PLEKHG1: variants seen among roughly 807,000 people sequenced by gnomAD.
PLEKHG1 encodes the protein pleckstrin homology and RhoGEF domain containing G1, also known as pleckstrin homology domain-containing family G member 1.
In PLEKHG1, 44 loss-of-function variants were observed where a neutral mutation model predicts 100.8. The ratio of observed to expected loss-of-function variants is 0.44; its 90% CI spans 0.34 to 0.56. The LOEUF (loss-of-function observed/expected upper bound fraction) is 0.56, where lower values mean the gene tolerates loss of function less well. Ranked by LOEUF, PLEKHG1 falls within the 20% of genes least tolerant of loss-of-function variation. The probability of loss-of-function intolerance (pLI) is 0.01; values close to 1 mark genes in which losing one functional copy is unlikely to be tolerated. For synonymous variants in PLEKHG1, 640 were observed against 662.5 expected (o/e 0.97, Z 0.52); for missense variants, 1,545 against 1,720.9 (o/e 0.90, Z 1.81).
chr6:150,783,186 A>G (rs1328327996), intron 3 of PLEKHG1, among the ~76,000 whole-genome samples: 54 of 148,370 alleles, frequency 3.6e-4, no homozygotes, highest in Middle Eastern at 3.4e-3. Flanking sequence ...AAAAAAAAAA[A>G]GGGAAATAAA....
chr6:150,699,572 A>C (rs1780684145), intron 3 of PLEKHG1, among the ~76,000 whole-genome samples: 1 of 152,176 alleles, frequency 6.6e-6, no homozygotes, highest in Admixed American at 6.5e-5. Context: ...GGTTCCCCCA[A>C]ATATTAGGAA....
At chr6:150,624,200 T>C (rs1027004943) in intron 1 of PLEKHG1, among the ~76,000 whole-genome samples, 1 of 152,172 alleles carries the variant, frequency 6.6e-6, no homozygotes, top group African/African-American at 2.4e-5. Context: ...TTTCTCCCAA[T>C]ACTGACCTAT....
At chr6:150,769,842 T>C (rs1450551510) in intron 3 of PLEKHG1, among the ~76,000 whole-genome samples, 1 of 152,160 alleles carries the variant, frequency 6.6e-6, no homozygotes, top group African/African-American at 2.4e-5. Flanking sequence ...CTTTTTCTCA[T>C]GGCACTCGTC....
chr6:150,770,604 A>G (rs1446230435), intron 3 of PLEKHG1, among the ~76,000 whole-genome samples: 4 of 152,222 alleles, frequency 2.6e-5, no homozygotes, highest in Admixed American at 6.5e-5. Context: ...ATGTGCAGCC[A>G]TGGTTGAGAT....
intron 2 of PLEKHG1, among the ~76,000 whole-genome samples, chr6:150,737,281 ATTTTT>A (rs34129872): frequency 1.7e-5 from 2 of 117,032 alleles, no homozygotes; most frequent in Non-Finnish European, 1.8e-5. Flanking sequence ...TCATATGGGT[ATTTTT>A]TTTTTTTTTT....
At chr6:150,634,250 C>CAGAAAAAAA (rs1777892925) in intron 1 of PLEKHG1, among the ~76,000 whole-genome samples, 1 of 120,330 alleles carries the variant, frequency 8.3e-6, no homozygotes, top group African/African-American at 3.2e-5. Flanking sequence ...ATCTCCCCCC[C>CAGAAAAAAA]AAAAAAAAAA....
At chr6:150,631,252 T>C (rs1341460544) in intron 1 of PLEKHG1, among the ~76,000 whole-genome samples, 1 of 152,226 alleles carries the variant, frequency 6.6e-6, no homozygotes, top group East Asian at 1.9e-4. Context: ...TTTCAATTCC[T>C]GTCTCTCTCT....
At chr6:150,830,704 C>T in exon 15 of PLEKHG1, 1 of 1,614,186 alleles carries the variant, frequency 6.2e-7, no homozygotes, top group Non-Finnish European at 8.5e-7. Context: ...CTCTCAGAAA[C>T]ATCTGGACCG....
rs768008617 is a variant in PLEKHG1, at chr6:150,840,778, A to G, written c.4040A>G (p.Tyr1347Cys). 11 of 1,614,084 alleles carry G rather than the reference A, an allele frequency of 6.8e-6. No homozygotes were observed. The South Asian group carries it at 1.1e-4, about 16-fold the overall frequency. Residue 1347 changes from tyrosine (Y) to cysteine (C), a missense_variant, in exon 16 of 16, where the codon TAT (tyrosine) becomes TGT (cysteine). Tyr to Cys is a radical substitution (Grantham distance 194). Transcript: ENST00000358517. Reference sequence around the variant, plus strand: ...GGCCTTTCACCATATCTGACACCATATAATGATTCTGACAAACTGAATGAC... The same window carrying G: ...GGCCTTTCACCATATCTGACACCATGTAATGATTCTGACAAACTGAATGAC...
At chr6:150,602,720 T>G (rs1776405282) in intron 1 of PLEKHG1, among the ~76,000 whole-genome samples, 1 of 152,212 alleles carries the variant, frequency 6.6e-6, no homozygotes, top group Admixed American at 6.5e-5. Context: ...TGCAGAAGTT[T>G]ATACATAGCT....
At chr6:150,716,125 AAAG>A (rs1781430290), upstream of PLEKHG1, among the ~76,000 whole-genome samples, 1 of 151,674 alleles carries the variant, frequency 6.6e-6, no homozygotes, top group African/African-American at 2.4e-5. Flanking sequence ...AAAAAAAAGA[AAAG>A]AAAATGTGAC....
chr6:150,805,515 A>T (rs1400718024), intron 7 of PLEKHG1, among the ~76,000 whole-genome samples: 1 of 150,058 alleles, frequency 6.7e-6, no homozygotes, highest in Non-Finnish European at 1.5e-5. Context: ...ACCCTCCAGC[A>T]TGTCATTTCG....
chr6:150,663,208 A>G (rs773713649), intron 3 of PLEKHG1: 2 of 152,208 alleles, frequency 1.3e-5, no homozygotes, highest in African/African-American at 2.4e-5. Flanking sequence ...TGTTTTGAGA[A>G]TATTGATTTT....
chr6:150,802,852 G>T (rs1030198264), intron 6 of PLEKHG1, among the ~76,000 whole-genome samples: 2 of 151,964 alleles, frequency 1.3e-5, no homozygotes, highest in African/African-American at 4.8e-5. Context: ...AGTAGAGACG[G>T]GGTTTCACCA....
rs79898728 is a variant in PLEKHG1, at chr6:150,759,742, T to C, written c.412-8896T>C. 6.4e-3 allele frequency among the ~76,000 whole-genome samples: 976 copies of C among 152,296 alleles called. 13 individuals carry two copies. Among genetic ancestry groups the C allele is most frequent in the African/African-American group, 0.022 (925 of 41,574 alleles). On this transcript the variant is annotated intron_variant, in intron 2 of 15. Transcript: ENST00000358517. The stretch of plus-strand genomic sequence containing the variant: ...GATGATTGCCGGGTGTGGTAGCTTA[T>C]GCCTATAAGCCCAGCACTTTGGGAG...
Position 150,657,625 on chromosome 6 carries a change from G to A in PLEKHG1, c.-99+6839G>A, listed in dbSNP as rs142882879. On this transcript the variant is annotated intron_variant, in intron 3 of 3. Transcript: ENST00000367326. ...CAGTTTTCCCTTAATATGTTTCAAGGCTATGTTTCAGATGCATAATGGTTA... is the reference window on the plus strand; with the variant it reads ...CAGTTTTCCCTTAATATGTTTCAAGACTATGTTTCAGATGCATAATGGTTA... Among the ~76,000 whole-genome samples the A allele has an allele frequency of 6.0e-3, 918 of 152,230 alleles. 27 individuals are homozygous for A. Among genetic ancestry groups the A allele is most frequent in the Admixed American group, 0.054 (821 of 15,284 alleles).
chr6:150,631,172 TG>T (rs1489355274), intron 1 of PLEKHG1, among the ~76,000 whole-genome samples: 2 of 152,226 alleles, frequency 1.3e-5, no homozygotes, highest in East Asian at 1.9e-4. Context: ...GCATCTTCTG[TG>T]GCTGTGTCAT....
At chr6:150,761,322 T>C (rs1351047511) in intron 2 of PLEKHG1, among the ~76,000 whole-genome samples, 2 of 151,830 alleles carry the variant, frequency 1.3e-5, no homozygotes, top group Non-Finnish European at 2.9e-5. Context: ...GCCAGGATGG[T>C]CTCGATTACT....
intron 13 of PLEKHG1, among the ~76,000 whole-genome samples, chr6:150,822,136 C>T (rs542638551): frequency 2.3e-4 from 29 of 127,602 alleles, no homozygotes; most frequent in African/African-American, 6.6e-4. Flanking sequence ...CCACCACGCC[C>T]AGCCCAAAGG....
Sources: gnomAD v4.1 joint callset for allele counts (sites outside exome capture counted in the v4.1 genomes callset) on GRCh38, gnomAD v4.1.1 for gene constraint, MANE v1.5 for transcripts, NCBI Gene and HGNC (gene_info 2026-07-23, HGNC 2026-07-21) for gene names.